FGFR1: variants seen among roughly 807,000 people sequenced by gnomAD.
FGFR1 encodes fibroblast growth factor receptor 1.
In FGFR1, 18 loss-of-function variants were observed where a neutral mutation model predicts 93.7. The ratio of observed to expected loss-of-function variants is 0.19; its 90% confidence interval spans 0.13 to 0.28. The LOEUF (loss-of-function observed/expected upper bound fraction) is 0.28. FGFR1 is among the 10% of genes least tolerant of loss of function. The probability of loss-of-function intolerance (pLI) is 1.00; values close to 1 mark genes in which losing one functional copy is unlikely to be tolerated. For missense variants in FGFR1, 731 were observed against 1,080.4 expected (o/e 0.68, Z 4.53); for synonymous variants, 448 against 429.3 (o/e 1.04, Z -0.54).
chr8:38,419,742 C>T lies in FGFR1; in HGVS notation c.1082-7G>A, dbSNP rs2150716575. On this transcript the variant is annotated splice_polypyrimidine_tract_variant and splice_region_variant and intron_variant, in intron 8 of 17. Coordinates refer to ENST00000447712, the MANE Select transcript of FGFR1 (RefSeq NM_023110.3). ...GCCGGCCTCTCTTCCAGGGCTGAGTCAGTGCGAACAGGGTGTTAGCAGGCT... is the reference window on the plus strand; with the variant it reads ...GCCGGCCTCTCTTCCAGGGCTGAGTTAGTGCGAACAGGGTGTTAGCAGGCT... The T allele has an allele frequency of 1.9e-6, 3 of 1,613,740 alleles. No individual in the cohort carries two copies. The highest frequency in any genetic ancestry group is 2.5e-6 in the Non-Finnish European group (3 of 1,179,812).
intron 12 of FGFR1, among the ~76,000 whole-genome samples, 175 bp downstream of exon 12, chr8:38,417,131 G>C (rs1171980002): frequency 6.6e-6 from 1 of 152,186 alleles, no homozygotes; most frequent in African/African-American, 2.4e-5. Context: ...CTGTATTCCT[G>C]AATGAACACC....
rs751194353 is a variant in FGFR1 at position 38,428,093 on chromosome 8, G to T, written c.449C>A (p.Pro150His). The T allele has an allele frequency of 6.2e-7, 1 of 1,614,136 alleles. No homozygotes were observed. The highest frequency in any genetic ancestry group is 1.7e-5 in the Admixed American group (1 of 60,038). ...ETDNTKPNRMPVAPYWTSPEK... is the reference protein window; with the variant it reads ...ETDNTKPNRMHVAPYWTSPEK... Reference sequence around the variant, plus strand: ...TGGGGATGTCCAATATGGAGCTACGGCTGCCCGGGGAAAGCCAAGAGAGAC... The same window carrying T: ...TGGGGATGTCCAATATGGAGCTACGTCTGCCCGGGGAAAGCCAAGAGAGAC... Residue 150 changes from proline to histidine, a missense_variant and splice_region_variant, in exon 5 of 18, where the codon CCC becomes CAC. By Grantham distance (77) the Pro-to-His change is moderately conservative (BLOSUM62 -2). Coordinates refer to ENST00000447712, the MANE Select transcript of FGFR1 (RefSeq NM_023110.3).
At chr8:38,440,560 G>A (rs1418882002) in intron 2 of FGFR1, among the ~76,000 whole-genome samples, 1 of 151,940 alleles carries the variant, frequency 6.6e-6, no homozygotes, top group Non-Finnish European at 1.5e-5. Flanking sequence ...CCGACCCAGG[G>A]GATTTGGAGA....
At chr8:38,425,968 A>G in intron 6 of FGFR1, 154 bp downstream of exon 6, 2 of 953,758 alleles carry the variant, frequency 2.1e-6, no homozygotes, top group Non-Finnish European at 3.4e-6. Context: ...AGTGAGGCTC[A>G]AAAGGGAGAA....
rs1820036894 is a variant in FGFR1 at position 38,424,518 on chromosome 8, C to T, written c.927G>A (p.Gln309=). Residue 309 remains glutamine (Q), a synonymous_variant, in exon 7 of 18, where the codon CAG becomes CAA. Transcript: ENST00000447712. This position sits in a 1 kb window ranked among gnomAD's most constrained non-coding sequence, Gnocchi z 4.3. ...CTGGTGCCATGATTACCTTCAAGAT[C>T]TGGACATAAGGCAGGTTGTCTGGGC... ...KIGPDNLPYV[Q]ILKTAGVNTT... 1 of 1,614,186 alleles carries T rather than the reference C, an allele frequency of 6.2e-7. No individual in the cohort carries two copies. The highest frequency in any genetic ancestry group is 1.3e-5 in the African/African-American group (1 of 75,052).
intron 2 of FGFR1, chr8:38,440,425 C>T (rs1340086631): frequency 4.8e-6 from 7 of 1,456,868 alleles, no homozygotes; most frequent in Non-Finnish European, 5.6e-6. Context: ...TCTCAACTCT[C>T]GGAGTCCCCA....
At chr8:38,423,311 AGT>A in intron 7 of FGFR1, 29 of 351,810 alleles carry the variant, frequency 8.2e-5, no homozygotes, top group East Asian at 1.7e-4. Flanking sequence ...TTTCCCTTTT[AGT>A]TTTTTTTTTT....
At chr8:38,465,531 C>CTCGGAGGG (rs1387962418) in intron 1 of FGFR1, 5 of 229,694 alleles carry the variant, frequency 2.2e-5, no homozygotes, top group African/African-American at 1.1e-4. Context: ...ACACCCTGCA[C>CTCGGAGGG]TCGGAGGGTC....
At chr8:38,419,355 G>A (rs186054985) in intron 9 of FGFR1, among the ~76,000 whole-genome samples, 178 bp downstream of exon 9, 37 of 152,238 alleles carry the variant, frequency 2.4e-4, no homozygotes, top group African/African-American at 8.7e-4. Context: ...GGAAATTCAC[G>A]GGCTACACTA....
At chr8:38,467,283 G>A (rs1835772547) in intron 1 of FGFR1, among the ~76,000 whole-genome samples, 1 of 152,014 alleles carries the variant, frequency 6.6e-6, no homozygotes, top group African/African-American at 2.4e-5. Context: ...CTGGAAAGGG[G>A]AGTCGTTTTT....
Position 38,424,302 on chromosome 8 carries a change from C to G in FGFR1, c.936+207G>C. The G allele has an allele frequency of 1.4e-6, 1 of 719,490 alleles. No homozygotes were observed. The highest frequency in any genetic ancestry group is 2.6e-6 in the Non-Finnish European group (1 of 389,554). The allele number at this position is 719,490 out of a possible 1,614,324, so 44.6% of individuals were successfully genotyped here. On this transcript the variant is annotated intron_variant, in intron 7 of 17. Transcript: ENST00000447712. The surrounding 1 kb of genome is among the most constrained non-coding windows in gnomAD (Gnocchi z 4.3). ...CAGCACCACCCATCCCTGCAGCCCT[C>G]TGTTCCCAGCTCACCTCCACTTTGT...
At chr8:38,459,534 A>G (rs1406465354) in intron 1 of FGFR1, among the ~76,000 whole-genome samples, 1 of 152,194 alleles carries the variant, frequency 6.6e-6, no homozygotes, top group Non-Finnish European at 1.5e-5. Flanking sequence ...TGAATACTGA[A>G]CACCCACTAT....
intron 2 of FGFR1, among the ~76,000 whole-genome samples, chr8:38,437,157 CTG>C (rs1825737285): frequency 6.6e-6 from 1 of 152,156 alleles, no homozygotes; most frequent in East Asian, 1.9e-4. Context: ...GATTCTAAAT[CTG>C]TGTCTTCCAC....
At chr8:38,444,080 A>C (rs1273253598) in intron 2 of FGFR1, among the ~76,000 whole-genome samples, 1 of 148,658 alleles carries the variant, frequency 6.7e-6, no homozygotes. Flanking sequence ...AAAAAAAAGA[A>C]TCAGGTGGTA....
intron 2 of FGFR1, among the ~76,000 whole-genome samples, chr8:38,453,023 A>G (rs1171533750): frequency 6.6e-6 from 1 of 152,222 alleles, no homozygotes; most frequent in Non-Finnish European, 1.5e-5. Flanking sequence ...ATTATTTAAT[A>G]ATCAGCAGGC....
chr8:38,430,195 A>G, intron 2 of FGFR1: 1 of 558,598 alleles, frequency 1.8e-6, no homozygotes, highest in South Asian at 2.5e-5. Context: ...CAAAGGAAGA[A>G]AGAGGCAAAG....
At chr8:38,423,621 A>G (rs1819625247) in intron 7 of FGFR1, 1 of 161,374 alleles carries the variant, frequency 6.2e-6, no homozygotes, top group Admixed American at 6.4e-5. Flanking sequence ...CCCTTTTACA[A>G]GTACAGAACA....
At position 38,454,973 on chromosome 8, in the gene FGFR1, C is replaced by CTT. The variant is rs11434747; in HGVS notation, c.91+2381_91+2382dup. Among the ~76,000 whole-genome samples the CTT allele has an allele frequency of 7.2e-3, 805 of 111,146 alleles. 24 individuals are homozygous for CTT. Among genetic ancestry groups the CTT allele is most frequent in the African/African-American group, 0.023 (654 of 28,866 alleles). 72.9% of individuals were successfully genotyped at this position (111,146 alleles called of 152,430 possible). A position where few individuals can be genotyped will look rare whatever the true frequency, so the allele number is the denominator to read the frequency against. On this transcript the variant is annotated intron_variant, in intron 2 of 17. Transcript: ENST00000447712. ...ATTTAAGTCTAGTTTTCTTTTCTTG[C>CTT]TTTTTTTTTTTTTTTTTTTTTAGAC... is the stretch of plus-strand genomic sequence containing the variant.
At position 38,412,956 on chromosome 8, in the gene FGFR1, TAAA is replaced by T. The variant is rs1332354620; in HGVS notation, c.*669_*671del. 1 of 233,300 alleles carries T rather than the reference TAAA, an allele frequency of 4.3e-6. No individual in the cohort carries two copies. The highest frequency in any genetic ancestry group is 8.5e-6 in the Non-Finnish European group (1 of 117,910). The allele number at this position is 233,300 out of a possible 1,614,324, so 14.5% of individuals were successfully genotyped here. On this transcript the variant is annotated 3_prime_UTR_variant, in exon 18 of 18. Transcript: ENST00000447712. ...GTAACGACCCTTTTAAAAAGACATG[TAAA>T]TATATACTCAGATTTATACACTTTG... is the stretch of plus-strand genomic sequence containing the variant.
Sources: gnomAD v4.1 joint callset for allele counts (sites outside exome capture counted in the v4.1 genomes callset) on GRCh38, gnomAD v4.1.1 for gene constraint, Gnocchi (gnomAD v3.1) non-coding constraint, MANE v1.5 for transcripts, NCBI Gene and HGNC (gene_info 2026-07-23, HGNC 2026-07-21) for gene names.